GMDS: variants seen among roughly 807,000 people sequenced by gnomAD.
GMDS encodes the protein GDP-mannose 4,6-dehydratase.
GMDS carries 20 observed loss-of-function variants against 49.9 expected under a neutral mutation model. That is an observed-to-expected ratio of 0.40 (90% CI 0.28 to 0.58). The LOEUF is 0.58. GMDS is among the 20% of genes least tolerant of loss of function. The pLI is 0.42. For missense variants in GMDS, 362 were observed against 481.4 expected (o/e 0.75, Z 2.32); for synonymous variants, 177 against 178.6 (o/e 0.99, Z 0.07).
Position 2,013,474 on chromosome 6 carries a change from G to A in GMDS, c.346-52508C>T, listed in dbSNP as rs139201059. 3.9e-3 allele frequency among the ~76,000 whole-genome samples: 597 copies of A among 152,190 alleles called. 1 individual carries two copies. Among genetic ancestry groups the A allele is most frequent in the Non-Finnish European group, 5.6e-3 (379 of 68,008 alleles). On this transcript the variant is annotated intron_variant, in intron 4 of 10. Transcript: ENST00000380815. ...AAAAACAAAGTGAGCATTAGAAACA[G>A]ATTCACATATAACAGATTTTTAAAT...
chr6:1,733,275 C>T (rs559480556), intron 8 of GMDS, among the ~76,000 whole-genome samples: 11 of 152,304 alleles, frequency 7.2e-5, no homozygotes, highest in Admixed American at 5.9e-4. Flanking sequence ...GGGAGGAGGG[C>T]GGTCAGCACT....
chr6:1,991,618 A>G (rs1156698576), intron 4 of GMDS, among the ~76,000 whole-genome samples: 1 of 152,070 alleles, frequency 6.6e-6, no homozygotes, highest in Admixed American at 6.5e-5. Flanking sequence ...ATTTTGCCCA[A>G]ATTCTCCTCT....
intron 9 of GMDS, among the ~76,000 whole-genome samples, chr6:1,676,518 C>T (rs1764631604): frequency 6.6e-6 from 1 of 152,222 alleles, no homozygotes; most frequent in Non-Finnish European, 1.5e-5. Flanking sequence ...CATCACACTA[C>T]CTGACTTCAA....
intron 4 of GMDS, among the ~76,000 whole-genome samples, chr6:2,061,797 A>C (rs1412165351): frequency 6.6e-6 from 1 of 151,840 alleles, no homozygotes. Context: ...TGGAATGATC[A>C]TTACAGATGC....
chr6:2,013,415 T>A (rs1478414496), intron 4 of GMDS, among the ~76,000 whole-genome samples: 1 of 151,850 alleles, frequency 6.6e-6, no homozygotes, highest in Non-Finnish European at 1.5e-5. Context: ...GACAAGGTCA[T>A]GACAAAAGAA....
At chr6:1,718,737 G>T (rs1766263130) in intron 9 of GMDS, among the ~76,000 whole-genome samples, 2 of 150,860 alleles carry the variant, frequency 1.3e-5, no homozygotes, top group Admixed American at 1.3e-4. Context: ...AAAATTGAAT[G>T]TTAAAAACTC....
chr6:1,822,991 T>C (rs1233903641), intron 7 of GMDS, among the ~76,000 whole-genome samples: 1 of 152,206 alleles, frequency 6.6e-6, no homozygotes, highest in East Asian at 1.9e-4. Flanking sequence ...GAAAATACTA[T>C]AAATTTGGGT....
chr6:2,002,836 T>G (rs1010825295), intron 4 of GMDS, among the ~76,000 whole-genome samples: 6 of 152,050 alleles, frequency 3.9e-5, no homozygotes, highest in Non-Finnish European at 8.8e-5. Context: ...CCATACTTAA[T>G]AGAGTATTCT....
chr6:1,727,113 T>C lies in GMDS; in HGVS notation c.891-601A>G, dbSNP rs901215277. Among the ~76,000 whole-genome samples, 4 of 152,138 alleles carry C rather than the reference T, an allele frequency of 2.6e-5. No individual in the cohort carries two copies. The South Asian group carries it at 8.3e-4, about 32-fold the overall frequency. On this transcript the variant is annotated intron_variant, in intron 8 of 10. Transcript: ENST00000380815. Reference sequence around the variant, plus strand: ...AACCTCCAAAAAGTACAGAACTAATTGTTTGTTTCCTGCTGAGTGAGGGTA... The same window carrying C: ...AACCTCCAAAAAGTACAGAACTAATCGTTTGTTTCCTGCTGAGTGAGGGTA...
chr6:1,748,441 C>T (rs1418555070), intron 7 of GMDS, among the ~76,000 whole-genome samples: 1 of 152,136 alleles, frequency 6.6e-6, no homozygotes, highest in African/African-American at 2.4e-5. Flanking sequence ...TTTCCTCCAG[C>T]CTGTTCACCT....
chr6:1,698,108 G>C (rs1765406217), intron 9 of GMDS, among the ~76,000 whole-genome samples: 1 of 152,310 alleles, frequency 6.6e-6, no homozygotes, highest in South Asian at 2.1e-4. Flanking sequence ...CCCAACACCA[G>C]AGTCTCACTT....
At chr6:2,052,208 T>A (rs1770463087) in intron 4 of GMDS, among the ~76,000 whole-genome samples, 1 of 151,996 alleles carries the variant, frequency 6.6e-6, no homozygotes, top group Non-Finnish European at 1.5e-5. Context: ...ACCTTTTAGT[T>A]CAGTCAACTT....
chr6:1,928,399 A>G (rs964326492), intron 7 of GMDS, among the ~76,000 whole-genome samples: 7 of 152,020 alleles, frequency 4.6e-5, no homozygotes, highest in Non-Finnish European at 8.8e-5. Context: ...ATAGCTTACT[A>G]TGTAGCTCTA....
intron 6 of GMDS, among the ~76,000 whole-genome samples, chr6:1,954,238 C>A (rs1435713150): frequency 6.6e-6 from 1 of 152,362 alleles, no homozygotes; most frequent in East Asian, 1.9e-4. Context: ...AAGCCCTGTA[C>A]AACCTTAACT....
At chr6:1,642,448 C>A (rs564370522) in intron 9 of GMDS, among the ~76,000 whole-genome samples, 6 of 152,046 alleles carry the variant, frequency 3.9e-5, no homozygotes, top group African/African-American at 1.4e-4. Flanking sequence ...GGATTACAGG[C>A]GTGAGCCACC....
At chr6:2,064,840 G>C (rs1230387245) in intron 4 of GMDS, among the ~76,000 whole-genome samples, 2 of 152,178 alleles carry the variant, frequency 1.3e-5, no homozygotes, top group African/African-American at 4.8e-5. Flanking sequence ...TGGGGAGGGA[G>C]ATGTCATTCT....
chr6:1,772,659 G>C (rs1488855443), intron 7 of GMDS, among the ~76,000 whole-genome samples: 1 of 152,158 alleles, frequency 6.6e-6, no homozygotes, highest in Non-Finnish European at 1.5e-5. Context: ...GTGGGGACTG[G>C]CATATAAGAA....
chr6:1,664,523 C>G (rs1764179205), intron 9 of GMDS, among the ~76,000 whole-genome samples: 1 of 152,202 alleles, frequency 6.6e-6, no homozygotes, highest in Non-Finnish European at 1.5e-5. Flanking sequence ...CCTAGAGTCC[C>G]CGATTCATGG....
chr6:1,729,117 C>A (rs1352468197), intron 8 of GMDS, among the ~76,000 whole-genome samples: 2 of 152,174 alleles, frequency 1.3e-5, no homozygotes, highest in East Asian at 1.9e-4. Context: ...CAGTGGCCTG[C>A]ACGGCTAGAC....
Sources: allele counts gnomAD v4.1 joint callset (sites outside exome capture counted in the v4.1 genomes callset), GRCh38; gene constraint gnomAD v4.1.1; transcripts MANE v1.5; gene names NCBI Gene and HGNC (gene_info 2026-07-23, HGNC 2026-07-21).